Variants in CD300LB observed in about 807,000 individuals in gnomAD.
The protein encoded by CD300LB is CMRF35-like molecule 7.
A neutral mutation model predicts 20.8 loss-of-function variants in CD300LB; 18 were observed. The ratio of observed to expected loss-of-function variants is 0.87; its 90% CI spans 0.60 to 1.28. CD300LB has a LOEUF of 1.28. Ranked by LOEUF, CD300LB falls within the 50% of genes most tolerant of loss-of-function variation. The pLI is 0.00. For missense variants in CD300LB, 222 were observed against 251.8 expected (o/e 0.88, Z 0.80); for synonymous variants, 91 against 91.3 (o/e 1.00, Z 0.02).
intron 2 of CD300LB, among the ~76,000 whole-genome samples, chr17:74,524,171 C>A (rs191139838): frequency 6.6e-6 from 1 of 152,222 alleles, no homozygotes; most frequent in Non-Finnish European, 1.5e-5. Context: ...TTAGGAGCAA[C>A]CATATAGGCA....
rs762094570 is a variant in CD300LB, at chr17:74,531,389, A to G, written c.-39T>C. ...CGGCTCCTCGTCCGCCTGATCTGCA[A>G]CCAGTGGCAAATGCAGATCCCAGAT... On this transcript the variant is annotated 5_prime_UTR_variant, in exon 1 of 4. Coordinates refer to ENST00000392621, the MANE Select transcript of CD300LB (RefSeq NM_174892.4). The G allele has an allele frequency of 1.9e-5, 31 of 1,612,916 alleles. No homozygotes were observed. In the Admixed American group the frequency reaches 5.2e-4, roughly 27 times the overall value.
At chr17:74,529,493 T>G (rs1168723569) in intron 1 of CD300LB, among the ~76,000 whole-genome samples, 1 of 152,066 alleles carries the variant, frequency 6.6e-6, no homozygotes, top group Non-Finnish European at 1.5e-5. Flanking sequence ...GCCCTGAGCA[T>G]CTAAAAGTCT....
In CD300LB at chr17:74,522,341, A is replaced by G; in HGVS notation, c.*397T>C. On this transcript the variant is annotated 3_prime_UTR_variant, in exon 4 of 4. Coordinates refer to ENST00000392621, the MANE Select transcript of CD300LB (RefSeq NM_174892.4). ...AAAAACACGGATATATCAGGTTCTC[A>G]GGCAAAGACGGTGTTGAGTTGGTCT... is the stretch of plus-strand genomic sequence containing the variant. 1 of 997,280 alleles carries G rather than the reference A, an allele frequency of 1.0e-6. No individual in the cohort carries two copies. Among genetic ancestry groups the G allele is most frequent in the Non-Finnish European group, 1.2e-6 (1 of 837,828 alleles). 61.8% of individuals were successfully genotyped at this position (997,280 alleles called of 1,614,324 possible).
rs557624854 is a variant in CD300LB, at chr17:74,523,520, T to C, written c.443+59A>G. On this transcript the variant is annotated intron_variant, in intron 3 of 3. Coordinates refer to ENST00000392621, the MANE Select transcript of CD300LB (RefSeq NM_174892.4). ...TGGTGACAGGCAGGAGTTCCCAGGC[T>C]TGGCTTCCCCTTAGGAGGGACCCCA... The C allele has an allele frequency of 7.2e-4, 894 of 1,246,562 alleles. 14 individuals carry two copies. In the South Asian group the frequency reaches 0.01, roughly 14 times the overall value. 77.2% of individuals were successfully genotyped at this position (1,246,562 alleles called of 1,614,324 possible). A position where few individuals can be genotyped will look rare whatever the true frequency, so the allele number is the denominator to read the frequency against.
chr17:74,524,677 TA>T (rs1347336368), intron 2 of CD300LB, among the ~76,000 whole-genome samples: 1 of 152,186 alleles, frequency 6.6e-6, no homozygotes, highest in African/African-American at 2.4e-5. Flanking sequence ...GAGCTGCAGG[TA>T]ATTCCAATCA....
chr17:74,525,059 C>G (rs1272218135), intron 2 of CD300LB, among the ~76,000 whole-genome samples: 1 of 152,144 alleles, frequency 6.6e-6, no homozygotes, highest in Non-Finnish European at 1.5e-5. Flanking sequence ...TGATGAAGTA[C>G]TGAGTAGGGG....
At position 74,523,628 on chromosome 17, in the gene CD300LB, T is replaced by C; in HGVS notation, c.394A>G (p.Ser132Gly). ...GCCATATTGCTGTTGGTAGGTGAGC[T>C]TGCTGTTGTGGAAGCCGCTCCCTCT... ...DPEGAASTTA[S>G]SPTNSNMAVF... is the part of the protein sequence containing the mutation. Residue 132 changes from serine to glycine, a missense_variant, in exon 3 of 4, where the codon AGC becomes GGC. Ser to Gly is a moderately conservative substitution (Grantham distance 56). Transcript: ENST00000392621. 1 of 1,613,680 alleles carries C rather than the reference T, an allele frequency of 6.2e-7. No homozygotes were observed. The highest frequency in any genetic ancestry group is 8.5e-7 in the Non-Finnish European group (1 of 1,179,588).
chr17:74,526,534 G>A lies in CD300LB; in HGVS notation c.41-457C>T, dbSNP rs574061049. 2.0e-5 allele frequency among the ~76,000 whole-genome samples: 3 copies of A among 152,294 alleles called. No individual in the cohort carries two copies. In the South Asian group the frequency reaches 6.2e-4, roughly 32 times the overall value. On this transcript the variant is annotated intron_variant, in intron 1 of 3. Transcript: ENST00000392621. ...TCGAGACCTGCATGGCCAACATGGT[G>A]AAACCCAGTCTTTACTAAAAATACA...
chr17:74,528,528 C>T (rs1191374537), intron 1 of CD300LB, among the ~76,000 whole-genome samples: 2 of 152,210 alleles, frequency 1.3e-5, no homozygotes, highest in East Asian at 3.8e-4. Flanking sequence ...CTCCACCACC[C>T]AGCCTTCAGG....
chr17:74,529,519 C>T (rs920435962), intron 1 of CD300LB, among the ~76,000 whole-genome samples: 12 of 152,132 alleles, frequency 7.9e-5, no homozygotes, highest in Admixed American at 2.6e-4. Flanking sequence ...GGGCCGGGCA[C>T]GGTGGCTCAT....
Position 74,522,684 on chromosome 17 carries a change from C to G in CD300LB, c.*54G>C. ...ACTCGTAGATGTTCCTTCCACAGCCCGAGTCTCTTCTGGAAACGTGGCCAG... is the reference window on the plus strand; with the variant it reads ...ACTCGTAGATGTTCCTTCCACAGCCGGAGTCTCTTCTGGAAACGTGGCCAG... On this transcript the variant is annotated 3_prime_UTR_variant, in exon 4 of 4. Coordinates refer to ENST00000392621, the MANE Select transcript of CD300LB (RefSeq NM_174892.4). 6.2e-7 allele frequency: 1 copy of G among 1,604,610 alleles called. No individual in the cohort carries two copies. The highest frequency in any genetic ancestry group is 8.5e-7 in the Non-Finnish European group (1 of 1,173,988).
rs1403812536 is a variant in CD300LB, at chr17:74,522,846, G to A, written c.498C>T (p.Val166=). The change falls in exon 4 of 4, where the codon GTC becomes GTT. Residue 166 remains valine, a synonymous_variant. Transcript: ENST00000392621. Reference sequence around the variant, plus strand: ...ACCCCTTCAACCAGAGGATGGCAGTGACCAAGATGAGCAAGATGGGCACCT... The same window carrying A: ...ACCCCTTCAACCAGAGGATGGCAGTAACCAAGATGAGCAAGATGGGCACCT... ...FVKVPILLIL[V]TAILWLKGSQ... 6.2e-7 allele frequency: 1 copy of A among 1,613,970 alleles called. No individual in the cohort carries two copies. Among genetic ancestry groups the A allele is most frequent in the Non-Finnish European group, 8.5e-7 (1 of 1,180,030 alleles).
chr17:74,524,594 CAAACAAAACAAAATA>C (rs1416834241), intron 2 of CD300LB, among the ~76,000 whole-genome samples: 1 of 152,106 alleles, frequency 6.6e-6, no homozygotes, highest in Non-Finnish European at 1.5e-5. Context: ...TCTCAAAAAA[CAAACAAAACAAAATA>C]AAACAAAACA....
At chr17:74,523,714 A>AAAGCCACGCG in intron 2 of CD300LB, 63 bp from the exon 3 acceptor site, 1 of 1,098,110 alleles carries the variant, frequency 9.1e-7, no homozygotes, top group Non-Finnish European at 1.4e-6. Context: ...CATGGGTCAC[A>AAAGCCACGCG]AAGCCACGCG....
chr17:74,528,666 C>A (rs1253665091), intron 1 of CD300LB, among the ~76,000 whole-genome samples: 1 of 151,748 alleles, frequency 6.6e-6, no homozygotes, highest in Non-Finnish European at 1.5e-5. Context: ...TCTCTGCCAT[C>A]GCAGGCCACA....
intron 1 of CD300LB, among the ~76,000 whole-genome samples, chr17:74,526,397 C>T (rs1908037590): frequency 6.6e-6 from 1 of 152,176 alleles, no homozygotes; most frequent in Admixed American, 6.5e-5. Flanking sequence ...TATTTAACAA[C>T]CAGCCCTCTG....
intron 1 of CD300LB, among the ~76,000 whole-genome samples, chr17:74,529,123 C>G (rs1908123297): frequency 1.3e-5 from 2 of 152,096 alleles, no homozygotes; most frequent in Admixed American, 6.6e-5. Context: ...CAGAGTGAGA[C>G]ACTGTCTTCA....
chr17:74,524,989 C>T lies in CD300LB; in HGVS notation c.370+759G>A, dbSNP rs187824718. Among the ~76,000 whole-genome samples the T allele has an allele frequency of 3.7e-3, 557 of 152,292 alleles. 1 individual carries two copies. The highest frequency in any genetic ancestry group is 5.3e-3 in the Admixed American group (81 of 15,298). On this transcript the variant is annotated intron_variant, in intron 2 of 3. Transcript: ENST00000392621. ...AACCCCAACAGTACACAGGCTTGTT[C>T]TAAAGCCGGCATTGTCTATTTCCAC... is the stretch of plus-strand genomic sequence containing the variant.
chr17:74,523,096 G>A, intron 3 of CD300LB, 196 bp from the exon 4 acceptor site: 1 of 581,544 alleles, frequency 1.7e-6, no homozygotes. Flanking sequence ...TTTTGCACGG[G>A]GCCCATCTTC....
Sources: allele counts gnomAD v4.1 joint callset (sites outside exome capture counted in the v4.1 genomes callset), GRCh38; gene constraint gnomAD v4.1.1; transcripts MANE v1.5; gene names NCBI Gene and HGNC (gene_info 2026-07-23, HGNC 2026-07-21).